The following NDUFA8 variants were observed in gnomAD, a reference collection of about 807,000 sequenced individuals.
The protein encoded by NDUFA8 is NADH:ubiquinone oxidoreductase subunit A8, also known as NADH dehydrogenase [ubiquinone] 1 alpha subcomplex subunit 8.
A neutral mutation model predicts 20.9 loss-of-function variants in NDUFA8; 16 were observed. The ratio of observed to expected loss-of-function variants is 0.77; its 90% CI spans 0.52 to 1.16. The LOEUF (loss-of-function observed/expected upper bound fraction) is 1.16, where lower values mean the gene tolerates loss of function less well. Ranked by LOEUF, NDUFA8 falls within the 50% of genes most tolerant of loss-of-function variation. NDUFA8 has a pLI of 0.00. For synonymous variants in NDUFA8, 70 were observed against 76.1 expected (o/e 0.92, Z 0.41); for missense variants, 202 against 216.4 (o/e 0.93, Z 0.42).
downstream of NDUFA8, among the ~76,000 whole-genome samples, chr9:122,141,721 C>T (rs1265839650): frequency 6.6e-6 from 1 of 152,170 alleles, no homozygotes; most frequent in Non-Finnish European, 1.5e-5. Context: ...AACTGCTTTC[C>T]AATTGTTCTG....
At chr9:122,138,115 C>G in the NDUFA8 span, among the ~76,000 whole-genome samples, 1 of 152,090 alleles carries the variant, frequency 6.6e-6, no homozygotes, top group Non-Finnish European at 1.5e-5. Context: ...GACATAATAC[C>G]TTAGTTTTGG....
At chr9:122,135,543 AAG>A in the NDUFA8 span, among the ~76,000 whole-genome samples, 3 of 152,152 alleles carry the variant, frequency 2.0e-5, no homozygotes, top group African/African-American at 7.2e-5. Context: ...ACTGATAACT[AAG>A]AGGGAAGCAA....
At chr9:122,151,397 TC>T in intron 2 of NDUFA8, among the ~76,000 whole-genome samples, 1 of 152,310 alleles carries the variant, frequency 6.6e-6, no homozygotes, top group Admixed American at 6.5e-5. Context: ...GTATACGAAG[TC>T]CGCCAGCCAG....
rs1365042970 is a variant in NDUFA8, at chr9:122,148,162, C to G, written c.331G>C (p.Val111Leu). ...RKQQAKFDEC[V>L]LDKLGWVRPD... ...CGCACCCAGCCCAGTTTGTCCAGCA[C>G]ACACTCGTCAAACTTTGCCTGCTGT... is the stretch of plus-strand genomic sequence containing the variant. Residue 111 changes from valine (V) to leucine (L), a missense_variant, in exon 3 of 4, where the codon GTG (valine) becomes CTG (leucine). Physicochemically the swap from Val to Leu is conservative, Grantham distance 32. Coordinates refer to ENST00000373768, the MANE Select transcript of NDUFA8 (RefSeq NM_014222.3). 6.2e-7 allele frequency: 1 copy of G among 1,614,186 alleles called. No homozygotes were observed. Among genetic ancestry groups the G allele is most frequent in the South Asian group, 1.1e-5 (1 of 91,084 alleles).
Position 122,150,637 on chromosome 9 carries a change from T to C in NDUFA8, c.215+1608A>G, listed in dbSNP as rs536534483. Among the ~76,000 whole-genome samples, 112 of 152,086 alleles carry C rather than the reference T, an allele frequency of 7.4e-4. 1 individual carries two copies. Among genetic ancestry groups the C allele is most frequent in the Non-Finnish European group, 1.4e-3 (96 of 67,996 alleles). On this transcript the variant is annotated intron_variant, in intron 2 of 3. Coordinates refer to ENST00000373768, the MANE Select transcript of NDUFA8 (RefSeq NM_014222.3). ...CAGGAATTGGTCAGGTACGTTATGGTTGGTTTATCCACTGATGGAATAATA... is the reference window on the plus strand; with the variant it reads ...CAGGAATTGGTCAGGTACGTTATGGCTGGTTTATCCACTGATGGAATAATA...
At chr9:122,142,065 T>C (rs1828830503), downstream of NDUFA8, among the ~76,000 whole-genome samples, 1 of 152,210 alleles carries the variant, frequency 6.6e-6, no homozygotes, top group South Asian at 2.1e-4. Flanking sequence ...GCAGGTAAAT[T>C]AGTCATAGAT....
intron 2 of NDUFA8, among the ~76,000 whole-genome samples, chr9:122,150,497 T>A (rs972226237): frequency 1.3e-5 from 2 of 150,758 alleles, no homozygotes; most frequent in Non-Finnish European, 2.9e-5. Context: ...AACTCACTGT[T>A]AGGAAATTTA....
chr9:122,147,781 C>A (rs925676269), intron 3 of NDUFA8, among the ~76,000 whole-genome samples: 1 of 152,016 alleles, frequency 6.6e-6, no homozygotes, highest in Non-Finnish European at 1.5e-5. Context: ...CGCCCACCAC[C>A]ACACCCGGCT....
chr9:122,147,918 G>A (rs967575587), intron 3 of NDUFA8, among the ~76,000 whole-genome samples, 194 bp downstream of exon 3: 4 of 152,104 alleles, frequency 2.6e-5, no homozygotes, highest in African/African-American at 9.7e-5. Context: ...GAGCCACCAC[G>A]CCCAGCCAGA....
At chr9:122,155,003 T>C (rs543153566) in intron 1 of NDUFA8, among the ~76,000 whole-genome samples, 37 of 152,376 alleles carry the variant, frequency 2.4e-4, no homozygotes, top group Middle Eastern at 6.8e-3. Flanking sequence ...CAGTGTATTA[T>C]GCTTTAATAC....
intron 3 of NDUFA8, 34 bp downstream of exon 3, chr9:122,148,078 C>T: frequency 6.2e-7 from 1 of 1,613,268 alleles, no homozygotes; most frequent in Non-Finnish European, 8.5e-7. Flanking sequence ...ACCCCTGAAT[C>T]AGAAAGTGAG....
chr9:122,137,237 C>CTTTT, the NDUFA8 span, among the ~76,000 whole-genome samples: 1 of 80,498 alleles, frequency 1.2e-5, no homozygotes, highest in Non-Finnish European at 2.6e-5. Context: ...CTTTTCCTTT[C>CTTTT]CTTTTTTTTT....
intron 3 of NDUFA8, among the ~76,000 whole-genome samples, chr9:122,146,265 G>A (rs547121765): frequency 1.3e-5 from 2 of 152,122 alleles, no homozygotes; most frequent in Non-Finnish European, 2.9e-5. Flanking sequence ...GCACCTGATC[G>A]AGAAATACAC....
At chr9:122,151,812 A>G (rs1251799326) in intron 2 of NDUFA8, among the ~76,000 whole-genome samples, 1 of 152,180 alleles carries the variant, frequency 6.6e-6, no homozygotes, top group Non-Finnish European at 1.5e-5. Context: ...TATCATGCAC[A>G]ATGACCTACG....
Position 122,159,726 on chromosome 9 carries a change from C to G in NDUFA8, c.-49G>C, listed in dbSNP as rs1330073174. 2 of 1,613,506 alleles carry G rather than the reference C, an allele frequency of 1.2e-6. No individual in the cohort carries two copies. The highest frequency in any genetic ancestry group is 1.7e-6 in the Non-Finnish European group (2 of 1,179,802). Reference sequence around the variant, plus strand: ...CGAGAAGCCCTCAGCCGCGTCGCCCCCGTCTCCTTGAACTCCCCTTTCGAC... The same window carrying G: ...CGAGAAGCCCTCAGCCGCGTCGCCCGCGTCTCCTTGAACTCCCCTTTCGAC... On this transcript the variant is annotated 5_prime_UTR_variant, in exon 1 of 4. Transcript: ENST00000373768.
chr9:122,136,958 G>A, the NDUFA8 span, among the ~76,000 whole-genome samples: 1 of 152,070 alleles, frequency 6.6e-6, no homozygotes. Flanking sequence ...TGATGCTCAG[G>A]TCTCCTCCAA....
rs1828934019 is a variant in NDUFA8, at chr9:122,148,152, T to G, written c.341A>C (p.Lys114Thr). ...CAGGTCAGGCCGCACCCAGCCCAGT[T>G]TGTCCAGCACACACTCGTCAAACTT... ...QAKFDECVLD[K>T]LGWVRPDLGE... Residue 114 changes from lysine (K) to threonine (T), a missense_variant, in exon 3 of 4, where the codon AAA becomes ACA. By Grantham distance (78) the Lys-to-Thr change is moderately conservative. Transcript: ENST00000373768. 1 of 1,614,066 alleles carries G rather than the reference T, an allele frequency of 6.2e-7. No individual in the cohort carries two copies. Among genetic ancestry groups the G allele is most frequent in the Admixed American group, 1.7e-5 (1 of 60,000 alleles).
intron 1 of NDUFA8, 73 bp from the exon 2 acceptor site, chr9:122,152,481 C>A: frequency 6.9e-7 from 1 of 1,455,192 alleles, no homozygotes; most frequent in South Asian, 1.2e-5. Flanking sequence ...TTACCTCATG[C>A]GGGTCAGAAT....
chr9:122,152,513 G>T, intron 1 of NDUFA8, 105 bp from the exon 2 acceptor site: 1 of 1,044,056 alleles, frequency 9.6e-7, no homozygotes, highest in Non-Finnish European at 1.4e-6. Context: ...AAGTAGCACT[G>T]TTCTGACTTT....
Sources: gnomAD v4.1 joint callset for allele counts (sites outside exome capture counted in the v4.1 genomes callset) on GRCh38, gnomAD v4.1.1 for gene constraint, MANE v1.5 for transcripts, NCBI Gene and HGNC (gene_info 2026-07-23, HGNC 2026-07-21) for gene names.